Variants in PDGFD observed in about 807,000 individuals in gnomAD.
PDGFD encodes platelet derived growth factor D.
PDGFD carries 30 observed loss-of-function variants against 44.7 expected under a neutral mutation model. The ratio of observed to expected loss-of-function variants is 0.67; its 90% CI spans 0.50 to 0.91. The LOEUF is 0.91. Ranked by LOEUF, PDGFD falls within the 40% of genes least tolerant of loss-of-function variation. The probability of loss-of-function intolerance (pLI) is 0.00; values close to 1 mark genes in which losing one functional copy is unlikely to be tolerated. For missense variants in PDGFD, 445 were observed against 457.8 expected (o/e 0.97, Z 0.25); for synonymous variants, 173 against 168.4 (o/e 1.03, Z -0.21).
At chr11:104,152,713 T>C (rs1468120847) in intron 1 of PDGFD, among the ~76,000 whole-genome samples, 1 of 152,130 alleles carries the variant, frequency 6.6e-6, no homozygotes, top group African/African-American at 2.4e-5. Context: ...TCTCCATATT[T>C]CACTGATAAT....
chr11:103,921,670 T>G lies in PDGFD; in HGVS notation c.987+5242A>C, dbSNP rs1057188687. 2.6e-5 allele frequency among the ~76,000 whole-genome samples: 4 copies of G among 151,812 alleles called. No individual in the cohort carries two copies. In the East Asian group the frequency reaches 7.8e-4, roughly 30 times the overall value. ...ATCTGTACCAATTTATTAATACATC[T>G]CCTAACTCTTAAACTGTGATAAAAT... On this transcript the variant is annotated intron_variant, in intron 6 of 6. Transcript: ENST00000393158.
intron 3 of PDGFD, among the ~76,000 whole-genome samples, chr11:103,952,338 A>G (rs1178872796): frequency 6.6e-6 from 1 of 152,246 alleles, no homozygotes; most frequent in Non-Finnish European, 1.5e-5. Flanking sequence ...GTGCTTTTCA[A>G]GCAATGTCTT....
At chr11:103,932,468 G>A (rs1182335065) in intron 5 of PDGFD, among the ~76,000 whole-genome samples, 1 of 152,174 alleles carries the variant, frequency 6.6e-6, no homozygotes, top group Non-Finnish European at 1.5e-5. Context: ...ATTACAATGT[G>A]TTTATTGGGA....
intron 6 of PDGFD, among the ~76,000 whole-genome samples, chr11:103,916,932 T>C (rs765719610): frequency 4.0e-4 from 61 of 152,164 alleles, no homozygotes; most frequent in Non-Finnish European, 8.2e-4. Flanking sequence ...CACCAGGTCC[T>C]GTTTGTGGGT....
intron 3 of PDGFD, among the ~76,000 whole-genome samples, chr11:103,955,272 C>T (rs57079672): frequency 0.04 from 5,838 of 147,034 alleles, 376 homozygotes; most frequent in African/African-American, 0.14. Flanking sequence ...TTGTTCATGA[C>T]ACTCTGCTCT....
At chr11:104,011,093 G>A (rs1030739618) in intron 1 of PDGFD, among the ~76,000 whole-genome samples, 2 of 152,026 alleles carry the variant, frequency 1.3e-5, no homozygotes, top group South Asian at 4.1e-4. Flanking sequence ...TCAATAATGA[G>A]GATTTTCTCA....
chr11:103,923,890 T>C lies in PDGFD; in HGVS notation c.987+3022A>G, dbSNP rs115632994. Among the ~76,000 whole-genome samples the C allele has an allele frequency of 3.4e-3, 519 of 152,302 alleles. 2 individuals carry two copies. The highest frequency in any genetic ancestry group is 0.012 in the African/African-American group (503 of 41,556). The stretch of plus-strand genomic sequence containing the variant: ...CTAGAAGTAAAAATATTAGGACACA[T>C]GTCTTAAAGAGATGCTTTAGATACA... On this transcript the variant is annotated intron_variant, in intron 6 of 6. Transcript: ENST00000393158.
At chr11:104,119,624 TTATATTAATATATAA>T (rs1861733680) in intron 1 of PDGFD, among the ~76,000 whole-genome samples, 1 of 81,552 alleles carries the variant, frequency 1.2e-5, no homozygotes, top group South Asian at 4.9e-4. Context: ...ATATTATGTA[TTATATTAATATATAA>T]TATATTAATA....
At chr11:103,964,181 G>A (rs1396748329) in intron 3 of PDGFD, among the ~76,000 whole-genome samples, 1 of 152,078 alleles carries the variant, frequency 6.6e-6, no homozygotes, top group African/African-American at 2.4e-5. Flanking sequence ...AAAACATATT[G>A]TATGTACTAT....
At chr11:104,102,067 A>T (rs1861392767) in intron 1 of PDGFD, among the ~76,000 whole-genome samples, 2 of 152,202 alleles carry the variant, frequency 1.3e-5, no homozygotes, top group South Asian at 2.1e-4. Context: ...AAAAGCCAAA[A>T]TTGACAAATG....
At position 103,973,956 on chromosome 11, in the gene PDGFD, C is replaced by T. The variant is rs532521470; in HGVS notation, c.510+22109G>A. Among the ~76,000 whole-genome samples the T allele has an allele frequency of 5.9e-5, 9 of 152,194 alleles. No individual in the cohort carries two copies. The East Asian group carries it at 1.7e-3, about 29-fold the overall frequency. On this transcript the variant is annotated intron_variant, in intron 3 of 6. Transcript: ENST00000393158. ...TGAAGGGTTTTAAGCAGAAGAATGG[C>T]AGCAGTTTGGATGGAGCCTTAGAAA...
chr11:104,031,362 T>C (rs1280233459), intron 1 of PDGFD, among the ~76,000 whole-genome samples: 2 of 152,184 alleles, frequency 1.3e-5, no homozygotes, highest in Middle Eastern at 3.2e-3. Flanking sequence ...AAAGAAGATA[T>C]GCATGCGACC....
chr11:104,001,516 G>T (rs145213589), intron 1 of PDGFD, among the ~76,000 whole-genome samples: 42 of 152,322 alleles, frequency 2.8e-4, no homozygotes, highest in African/African-American at 9.9e-4. Context: ...GTGAGCTGGG[G>T]TCCCCCAAAC....
At chr11:104,017,882 G>A (rs563432113) in intron 1 of PDGFD, among the ~76,000 whole-genome samples, 1 of 152,262 alleles carries the variant, frequency 6.6e-6, no homozygotes, top group East Asian at 1.9e-4. Flanking sequence ...TGCTAGAGTG[G>A]CTGTTTTGTA....
intron 1 of PDGFD, among the ~76,000 whole-genome samples, chr11:104,015,474 G>T (rs914226355): frequency 2.6e-5 from 4 of 151,710 alleles, no homozygotes; most frequent in African/African-American, 9.7e-5. Flanking sequence ...TATTTCAGAA[G>T]AAAAAAGAAA....
At chr11:104,025,706 G>A (rs1027087169) in intron 1 of PDGFD, among the ~76,000 whole-genome samples, 5 of 152,258 alleles carry the variant, frequency 3.3e-5, no homozygotes, top group African/African-American at 7.2e-5. Context: ...ACTGGAAAGC[G>A]GAAGGTGTCA....
chr11:103,989,376 G>A (rs1859417651), intron 3 of PDGFD, among the ~76,000 whole-genome samples: 1 of 152,234 alleles, frequency 6.6e-6, no homozygotes, highest in Non-Finnish European at 1.5e-5. Flanking sequence ...ATCCATGGAA[G>A]TGCCTTCATT....
chr11:104,004,972 G>A lies in PDGFD; in HGVS notation c.125-4717C>T, dbSNP rs567257764. Among the ~76,000 whole-genome samples, 14 of 133,270 alleles carry A rather than the reference G, an allele frequency of 1.1e-4. No individual in the cohort carries two copies. The South Asian group carries it at 2.8e-3, about 27-fold the overall frequency. The allele number at this position is 133,270 out of a possible 152,430, so 87.4% of individuals were successfully genotyped here. A position where few individuals can be genotyped will look rare whatever the true frequency, so the allele number is the denominator to read the frequency against. ...TGGCACACTGCAACCTCCGCCTCCC[G>A]GGTTCAAGCAAGTCTCCTGCCTCAG... On this transcript the variant is annotated intron_variant, in intron 1 of 6. Transcript: ENST00000393158.
intron 1 of PDGFD, among the ~76,000 whole-genome samples, chr11:104,150,066 A>T (rs961390841): frequency 3.3e-5 from 5 of 152,138 alleles, no homozygotes; most frequent in Admixed American, 2.6e-4. Flanking sequence ...CACTTTCAAC[A>T]CTTTGACCTC....
Sources: gnomAD v4.1 joint callset for allele counts (sites outside exome capture counted in the v4.1 genomes callset) on GRCh38, gnomAD v4.1.1 for gene constraint, MANE v1.5 for transcripts, NCBI Gene and HGNC (gene_info 2026-07-23, HGNC 2026-07-21) for gene names.